The following PTPRD variants were observed in gnomAD, a reference collection of about 807,000 sequenced individuals.
PTPRD encodes the protein receptor-type tyrosine-protein phosphatase delta.
In PTPRD, 34 loss-of-function variants were observed where a neutral mutation model predicts 214.5. The observed-to-expected ratio is 0.16, with a 90% CI of 0.12 to 0.21. PTPRD has a LOEUF of 0.21. Ranked by LOEUF, PTPRD falls within the 10% of genes least tolerant of loss-of-function variation. The probability of loss-of-function intolerance (pLI) is 1.00; values close to 1 mark genes in which losing one functional copy is unlikely to be tolerated. For missense variants in PTPRD, 2,545 were observed against 2,398.7 expected, an observed-to-expected ratio of 1.06 and a Z score of -1.27; for synonymous variants, 1,128 against 845.7, an observed-to-expected ratio of 1.33 and a Z score of -5.79.
chr9:8,871,487 T>C (rs778848199), intron 11 of PTPRD, among the ~76,000 whole-genome samples: 6 of 152,176 alleles, frequency 3.9e-5, no homozygotes, highest in Non-Finnish European at 7.3e-5. Flanking sequence ...GGAAATTTTA[T>C]GGTAGAGTTA....
chr9:10,022,620 C>T (rs980376136), intron 4 of PTPRD, among the ~76,000 whole-genome samples: 1 of 152,094 alleles, frequency 6.6e-6, no homozygotes, highest in African/African-American at 2.4e-5. Flanking sequence ...ACAAACTACA[C>T]AATTTTTACA....
At position 9,411,174 on chromosome 9, in the gene PTPRD, G is replaced by A. The variant is rs183943564; in HGVS notation, c.-236-13692C>T. ...GATTACATATTAAACTCCAGATTGG[G>A]ACATAGTTTGTGTTCCTATTCAATT... On this transcript the variant is annotated intron_variant, in intron 8 of 45. Transcript: ENST00000381196. 6.6e-5 allele frequency among the ~76,000 whole-genome samples: 10 copies of A among 151,476 alleles called. No individual in the cohort carries two copies. In the East Asian group the frequency reaches 7.8e-4, roughly 12 times the overall value.
At chr9:9,896,919 G>A (rs1205068466) in intron 5 of PTPRD, among the ~76,000 whole-genome samples, 1 of 151,960 alleles carries the variant, frequency 6.6e-6, no homozygotes, top group Admixed American at 6.6e-5. Flanking sequence ...ATGAGTGAAC[G>A]TGAGCAGATT....
intron 14 of PTPRD, among the ~76,000 whole-genome samples, chr9:8,598,824 G>A (rs907017406): frequency 6.6e-6 from 1 of 152,158 alleles, no homozygotes; most frequent in Non-Finnish European, 1.5e-5. Flanking sequence ...ATCAATCTAT[G>A]AGCCAAGTTG....
intron 11 of PTPRD, among the ~76,000 whole-genome samples, chr9:8,764,656 A>G (rs1400406333): frequency 1.3e-5 from 2 of 151,962 alleles, no homozygotes; most frequent in Non-Finnish European, 2.9e-5. Flanking sequence ...TTAACCGGGT[A>G]TAGTGGTGCG....
intron 9 of PTPRD, among the ~76,000 whole-genome samples, chr9:9,239,691 A>C (rs2130866886): frequency 6.6e-6 from 1 of 152,260 alleles, no homozygotes. Flanking sequence ...GCCTGAAGAC[A>C]TTTGTGTATC....
chr9:9,817,896 G>T (rs1180341283), intron 5 of PTPRD, among the ~76,000 whole-genome samples: 1 of 152,166 alleles, frequency 6.6e-6, no homozygotes, highest in Non-Finnish European at 1.5e-5. Flanking sequence ...TAGTTAGCAA[G>T]ATCAATGTAC....
chr9:10,446,417 C>A (rs200977739), intron 2 of PTPRD, among the ~76,000 whole-genome samples: 41 of 92,956 alleles, frequency 4.4e-4, no homozygotes, highest in South Asian at 1.5e-3. Context: ...CTATTTTTTT[C>A]TTTTTTTTTT....
chr9:10,106,618 G>C (rs924103576), intron 3 of PTPRD, among the ~76,000 whole-genome samples: 3 of 151,944 alleles, frequency 2.0e-5, no homozygotes. Flanking sequence ...TGGGTTATGA[G>C]AGGACCATCT....
intron 2 of PTPRD, among the ~76,000 whole-genome samples, chr9:10,539,632 T>G (rs527450831): frequency 3.3e-4 from 51 of 152,312 alleles, no homozygotes; most frequent in Non-Finnish European, 6.3e-4. Flanking sequence ...GGTGCCAACT[T>G]GAAGTTTAAA....
At chr9:9,407,231 G>A (rs530954486) in intron 8 of PTPRD, among the ~76,000 whole-genome samples, 44 of 151,718 alleles carry the variant, frequency 2.9e-4, no homozygotes, top group South Asian at 4.2e-4. Flanking sequence ...CTCCATTTCT[G>A]AGCATCGACC....
chr9:9,394,918 T>C (rs932361896), intron 9 of PTPRD, among the ~76,000 whole-genome samples: 1 of 152,106 alleles, frequency 6.6e-6, no homozygotes, highest in Non-Finnish European at 1.5e-5. Context: ...CATGTTTGCA[T>C]AGTCAGCTTT....
At chr9:10,571,845 G>C (rs2067550941) in intron 2 of PTPRD, among the ~76,000 whole-genome samples, 1 of 152,138 alleles carries the variant, frequency 6.6e-6, no homozygotes, top group Admixed American at 6.6e-5. Context: ...GCTCCTGTGA[G>C]AATTGAATGC....
intron 7 of PTPRD, among the ~76,000 whole-genome samples, chr9:9,639,464 A>C (rs2095868774): frequency 6.6e-6 from 1 of 152,044 alleles, no homozygotes; most frequent in African/African-American, 2.4e-5. Context: ...GCATAGTTTC[A>C]CTCTGGCCAT....
At chr9:10,277,163 T>C (rs144541837) in intron 3 of PTPRD, among the ~76,000 whole-genome samples, 1 of 105,340 alleles carries the variant, frequency 9.5e-6, no homozygotes, top group Non-Finnish European at 2.1e-5. Context: ...ATAAACTTGA[T>C]CTTTTGGTTT....
At chr9:9,723,845 G>A (rs1189949042) in intron 7 of PTPRD, among the ~76,000 whole-genome samples, 1 of 152,036 alleles carries the variant, frequency 6.6e-6, no homozygotes, top group Non-Finnish European at 1.5e-5. Context: ...TCATTGGTTT[G>A]TAAAGTATTA....
intron 2 of PTPRD, among the ~76,000 whole-genome samples, chr9:10,489,113 A>T (rs563322825): frequency 1.3e-5 from 2 of 152,222 alleles, no homozygotes; most frequent in East Asian, 3.9e-4. Context: ...AAAGCCCTTA[A>T]CATAGTACTA....
intron 10 of PTPRD, among the ~76,000 whole-genome samples, chr9:9,083,342 C>G (rs1368750576): frequency 6.6e-6 from 1 of 152,098 alleles, no homozygotes; most frequent in Non-Finnish European, 1.5e-5. Context: ...GGAAAACTGT[C>G]TAGCTATATG....
At chr9:9,211,408 A>C (rs985100397) in intron 9 of PTPRD, among the ~76,000 whole-genome samples, 1 of 152,100 alleles carries the variant, frequency 6.6e-6, no homozygotes, top group African/African-American at 2.4e-5. Context: ...AGCAATTAGA[A>C]GAGTGTTGGG....
Sources: allele counts gnomAD v4.1 joint callset (sites outside exome capture counted in the v4.1 genomes callset), GRCh38; gene constraint gnomAD v4.1.1; transcripts MANE v1.5; gene names NCBI Gene and HGNC (gene_info 2026-07-23, HGNC 2026-07-21).